GULP1: variants seen among roughly 807,000 people sequenced by gnomAD.
GULP1 encodes the protein GULP PTB domain containing engulfment adaptor 1, also known as PTB domain-containing engulfment adapter protein 1.
A neutral mutation model predicts 40.9 loss-of-function variants in GULP1; 19 were observed. The ratio of observed to expected loss-of-function variants is 0.46; its 90% CI spans 0.32 to 0.68. GULP1 has a LOEUF of 0.68. GULP1 is among the 30% of genes least tolerant of loss of function. The pLI is 0.03. For missense variants in GULP1, 312 were observed against 362.2 expected, an observed-to-expected ratio of 0.86 and a Z score of 1.12; for synonymous variants, 119 against 117.6, an observed-to-expected ratio of 1.01 and a Z score of -0.08.
intron 2 of GULP1, among the ~76,000 whole-genome samples, chr2:188,471,420 G>A (rs951323858): frequency 1.9e-4 from 29 of 151,912 alleles, no homozygotes; most frequent in Non-Finnish European, 1.5e-5. Flanking sequence ...TTGTTTTCTG[G>A]TTGTTTTGTG....
At position 188,322,391 on chromosome 2, in the gene GULP1, T is replaced by A. The variant is rs558542261; in HGVS notation, c.-172+30225T>A. Among the ~76,000 whole-genome samples, 13 of 152,226 alleles carry A rather than the reference T, an allele frequency of 8.5e-5. No individual in the cohort carries two copies. In the South Asian group the frequency reaches 1.5e-3, roughly 17 times the overall value. On this transcript the variant is annotated intron_variant, in intron 1 of 11. Transcript: ENST00000409830. The stretch of plus-strand genomic sequence containing the variant: ...ACAATATAACCTCGTTAGTTTGTCC[T>A]ATTCTCATGGCATGAACTTTGTAAT...
chr2:188,495,884 A>G (rs1559308326), intron 4 of GULP1, among the ~76,000 whole-genome samples: 1 of 152,074 alleles, frequency 6.6e-6, no homozygotes, highest in African/African-American at 2.4e-5. Flanking sequence ...ACTATCTTAC[A>G]GATGGGATTT....
chr2:188,297,242 A>G (rs2035164376), intron 1 of GULP1, among the ~76,000 whole-genome samples: 1 of 151,796 alleles, frequency 6.6e-6, no homozygotes, highest in African/African-American at 2.4e-5. Context: ...AAGATCTTCT[A>G]CCTACATTCT....
At chr2:188,360,480 T>TTGGATGCATCAAATCA (rs2045936337) in intron 1 of GULP1, among the ~76,000 whole-genome samples, 1 of 151,960 alleles carries the variant, frequency 6.6e-6, no homozygotes, top group Non-Finnish European at 1.5e-5. Context: ...GCATCAAATC[T>TTGGATGCATCAAATCA]TGGATGCATC....
intron 2 of GULP1, among the ~76,000 whole-genome samples, chr2:188,446,770 T>TGG (rs2058422909): frequency 6.6e-6 from 1 of 152,224 alleles, no homozygotes; most frequent in Non-Finnish European, 1.5e-5. Context: ...ATGGATGAAG[T>TGG]ATGCTTTGAC....
chr2:188,580,568 A>T (rs1446652383), intron 9 of GULP1, among the ~76,000 whole-genome samples: 1 of 126,468 alleles, frequency 7.9e-6, no homozygotes, highest in Non-Finnish European at 1.7e-5. Context: ...AAAAAAAAAA[A>T]TGGAGATCAA....
At position 188,460,224 on chromosome 2, in the gene GULP1, T is replaced by C. The variant is rs796761928; in HGVS notation, c.-44-17435T>C. Among the ~76,000 whole-genome samples the C allele has an allele frequency of 1.4e-4, 22 of 152,292 alleles. 1 individual carries two copies. The highest frequency in any genetic ancestry group is 5.3e-4 in the African/African-American group (22 of 41,568). ...ATAGGGATTTCATTGAATCTGTAGA[T>C]TGCTTTAGGGTAGTATGTACATTTT... is the stretch of plus-strand genomic sequence containing the variant. On this transcript the variant is annotated intron_variant, in intron 2 of 11. Transcript: ENST00000409830.
chr2:188,570,208 T>G (rs1458599668), intron 9 of GULP1, 88 bp downstream of exon 9: 1 of 648,348 alleles, frequency 1.5e-6, no homozygotes, highest in African/African-American at 1.9e-5. Context: ...CATATAATAC[T>G]TGGGGATCAG....
intron 7 of GULP1, among the ~76,000 whole-genome samples, chr2:188,551,084 T>C (rs1693341981): frequency 2.0e-5 from 3 of 151,678 alleles, no homozygotes; most frequent in Non-Finnish European, 1.5e-5. Context: ...GGTTCTTTTG[T>C]ATGTGATTTT....
chr2:188,587,736 T>C, intron 10 of GULP1, 119 bp from the exon 11 acceptor site: 1 of 638,524 alleles, frequency 1.6e-6, no homozygotes, highest in Non-Finnish European at 2.8e-6. Flanking sequence ...AGTGTAAGTG[T>C]GGGTTAGTGG....
intron 2 of GULP1, among the ~76,000 whole-genome samples, chr2:188,403,628 A>T (rs2052633200): frequency 6.6e-6 from 1 of 152,204 alleles, no homozygotes; most frequent in African/African-American, 2.4e-5. Context: ...AGTATGAGAT[A>T]TCCAGAAAGG....
chr2:188,397,156 T>C (rs1007897055), intron 2 of GULP1, among the ~76,000 whole-genome samples: 4 of 152,206 alleles, frequency 2.6e-5, no homozygotes, highest in Non-Finnish European at 4.4e-5. Flanking sequence ...TGTAAGAAAA[T>C]TCACGGTGTG....
intron 1 of GULP1, among the ~76,000 whole-genome samples, chr2:188,324,366 ATTGC>A (rs1427417228): frequency 6.6e-6 from 1 of 152,090 alleles, no homozygotes; most frequent in Non-Finnish European, 1.5e-5. Flanking sequence ...TCTAAAAATA[ATTGC>A]TTAGTGAACA....
chr2:188,549,474 G>T (rs1324489750), intron 7 of GULP1, among the ~76,000 whole-genome samples: 2 of 151,614 alleles, frequency 1.3e-5, no homozygotes, highest in African/African-American at 4.8e-5. Context: ...TATCAGACAG[G>T]CTACAATAAA....
intron 1 of GULP1, chr2:188,294,413 T>C (rs1471093298): frequency 3.9e-5 from 6 of 152,194 alleles, no homozygotes; most frequent in African/African-American, 1.4e-4. Flanking sequence ...TCTCAGTATT[T>C]CACACATTTG....
intron 1 of GULP1, among the ~76,000 whole-genome samples, chr2:188,363,124 G>A: frequency 6.6e-6 from 1 of 151,956 alleles, no homozygotes; most frequent in Non-Finnish European, 1.5e-5. Flanking sequence ...TAACATCATT[G>A]CCTACTTTTT....
chr2:188,448,810 A>T (rs571453940), intron 2 of GULP1, among the ~76,000 whole-genome samples: 1 of 152,156 alleles, frequency 6.6e-6, no homozygotes, highest in Non-Finnish European at 1.5e-5. Context: ...TCCTAATGAT[A>T]GTAAATGAGT....
intron 2 of GULP1, among the ~76,000 whole-genome samples, chr2:188,398,941 A>T (rs1030106598): frequency 1.3e-5 from 2 of 152,210 alleles, no homozygotes; most frequent in African/African-American, 4.8e-5. Context: ...TTAGAGAAGG[A>T]AATTGGCAAA....
chr2:188,452,618 A>G (rs1485986559), intron 2 of GULP1, among the ~76,000 whole-genome samples: 2 of 152,206 alleles, frequency 1.3e-5, no homozygotes, highest in South Asian at 2.1e-4. Context: ...TTTCAAAACA[A>G]CAAATGGTAG....
Sources: allele counts gnomAD v4.1 joint callset (sites outside exome capture counted in the v4.1 genomes callset), GRCh38; gene constraint gnomAD v4.1.1; transcripts MANE v1.5; gene names NCBI Gene and HGNC (gene_info 2026-07-23, HGNC 2026-07-21).